NTRK2: variants seen among roughly 807,000 people sequenced by gnomAD.
NTRK2 encodes neurotrophic receptor tyrosine kinase 2.
In NTRK2, 13 loss-of-function variants were observed where a neutral mutation model predicts 94.5. The observed-to-expected ratio is 0.14, with a 90% CI of 0.09 to 0.22. The LOEUF is 0.22. Ranked by LOEUF, NTRK2 falls within the 10% of genes least tolerant of loss-of-function variation. The pLI is 1.00. For missense variants in NTRK2, 639 were observed against 1,071.2 expected (o/e 0.60, Z 5.63); for synonymous variants, 372 against 407.4 (o/e 0.91, Z 1.05).
chr9:84,990,711 G>A (rs924620920), intron 17 of NTRK2, among the ~76,000 whole-genome samples: 3 of 152,124 alleles, frequency 2.0e-5, no homozygotes, highest in African/African-American at 4.8e-5. Context: ...CATTACGTGC[G>A]CCAGCTCCTG....
chr9:84,674,853 G>C (rs2058934910), intron 2 of NTRK2, among the ~76,000 whole-genome samples: 2 of 152,234 alleles, frequency 1.3e-5, no homozygotes, highest in Middle Eastern at 3.4e-3. Flanking sequence ...GAAAAGCCTT[G>C]TGACCCTTTT....
At chr9:84,929,989 G>C (rs1384365927) in intron 14 of NTRK2, among the ~76,000 whole-genome samples, 1 of 152,192 alleles carries the variant, frequency 6.6e-6, no homozygotes, top group Non-Finnish European at 1.5e-5. Flanking sequence ...GCATGCTTAT[G>C]TGATAGCTTA....
chr9:84,857,468 A>G (rs1222589883), intron 12 of NTRK2, among the ~76,000 whole-genome samples: 2 of 152,194 alleles, frequency 1.3e-5, no homozygotes, highest in Non-Finnish European at 2.9e-5. Context: ...GCCTTGTGGG[A>G]AAATTTTGCT....
intron 12 of NTRK2, among the ~76,000 whole-genome samples, chr9:84,777,678 C>A (rs1236849178): frequency 6.6e-6 from 1 of 152,130 alleles, no homozygotes; most frequent in African/African-American, 2.4e-5. Context: ...GCGGTGTAAA[C>A]ATTCCCACCA....
intron 12 of NTRK2, among the ~76,000 whole-genome samples, chr9:84,819,715 A>G (rs976477173): frequency 6.6e-6 from 1 of 152,248 alleles, no homozygotes; most frequent in Admixed American, 6.5e-5. Flanking sequence ...AGCCCTCCCT[A>G]TCTGGAGTCC....
intron 12 of NTRK2, among the ~76,000 whole-genome samples, chr9:84,796,457 T>C (rs1300707300): frequency 6.6e-6 from 1 of 152,168 alleles, no homozygotes; most frequent in Non-Finnish European, 1.5e-5. Context: ...GGAAAAAGTA[T>C]ATTGGATCCT....
Position 85,026,374 on chromosome 9 carries a change from G to A in NTRK2, c.*4937G>A. 4.3e-6 allele frequency: 1 copy of A among 231,920 alleles called. No homozygotes were observed. The allele number at this position is 231,920 out of a possible 1,614,324, so 14.4% of individuals were successfully genotyped here. A position where few individuals can be genotyped will look rare whatever the true frequency, so the allele number is the denominator to read the frequency against. On this transcript the variant is annotated 3_prime_UTR_variant, in exon 19 of 19. Coordinates refer to ENST00000277120, the MANE Select transcript of NTRK2 (RefSeq NM_006180.6). Reference sequence around the variant, plus strand: ...AGTGGAGGTTAGCTGAACGTTCAATGTACTGGAGCAAGCATCATAAAAGCT... The same window carrying A: ...AGTGGAGGTTAGCTGAACGTTCAATATACTGGAGCAAGCATCATAAAAGCT...
At chr9:84,691,733 G>T (rs2060061643) in intron 2 of NTRK2, among the ~76,000 whole-genome samples, 1 of 152,122 alleles carries the variant, frequency 6.6e-6, no homozygotes, top group African/African-American at 2.4e-5. Context: ...ACAAATGCTT[G>T]ATTGAAATCC....
At chr9:84,714,185 C>T (rs924036830) in intron 6 of NTRK2, among the ~76,000 whole-genome samples, 2 of 152,054 alleles carry the variant, frequency 1.3e-5, no homozygotes, top group East Asian at 3.9e-4. Context: ...TCCTTTCAAC[C>T]ACTGATGATC....
intron 15 of NTRK2, among the ~76,000 whole-genome samples, chr9:84,941,702 T>C (rs2078415321): frequency 6.6e-6 from 1 of 152,224 alleles, no homozygotes; most frequent in South Asian, 2.1e-4. Context: ...CCTGTAAATA[T>C]ATTGCAGTTG....
intron 14 of NTRK2, among the ~76,000 whole-genome samples, chr9:84,899,824 C>T (rs1479775673): frequency 6.6e-6 from 1 of 152,166 alleles, no homozygotes; most frequent in African/African-American, 2.4e-5. Flanking sequence ...GCAGAGTGGA[C>T]TCCCCACAGA....
At chr9:84,838,571 T>C (rs1416322998) in intron 12 of NTRK2, among the ~76,000 whole-genome samples, 1 of 152,190 alleles carries the variant, frequency 6.6e-6, no homozygotes, top group African/African-American at 2.4e-5. Flanking sequence ...TTCTTCTTTA[T>C]ACTTACCGCA....
At chr9:84,813,391 T>G (rs1478891293) in intron 12 of NTRK2, 2 of 1,060,750 alleles carry the variant, frequency 1.9e-6, no homozygotes, top group African/African-American at 3.3e-5. Flanking sequence ...TTTAAAACAT[T>G]TTGTAAGCCA....
At chr9:84,955,767 A>T (rs1298167287) in intron 17 of NTRK2, among the ~76,000 whole-genome samples, 2 of 152,160 alleles carry the variant, frequency 1.3e-5, no homozygotes, top group Non-Finnish European at 1.5e-5. Flanking sequence ...TGGGATGGTG[A>T]CAACCCAATC....
At chr9:84,811,473 G>C (rs1412346698) in intron 12 of NTRK2, 1 of 1,065,420 alleles carries the variant, frequency 9.4e-7, no homozygotes, top group African/African-American at 1.6e-5. Context: ...TGCCCTCTGC[G>C]ATCCACCTGC....
chr9:84,986,503 C>G (rs550761857), intron 17 of NTRK2, among the ~76,000 whole-genome samples: 51 of 152,324 alleles, frequency 3.3e-4, no homozygotes, highest in Non-Finnish European at 1.0e-4. Flanking sequence ...TGCTCTCTTG[C>G]CTGTCACTCA....
intron 12 of NTRK2, among the ~76,000 whole-genome samples, chr9:84,762,279 CTT>C (rs1163927509): frequency 2.6e-5 from 4 of 152,196 alleles, no homozygotes; most frequent in African/African-American, 9.7e-5. Context: ...GCAGCCCTGC[CTT>C]AGCCATCTCT....
chr9:84,873,058 T>C, intron 14 of NTRK2: 1 of 1,063,898 alleles, frequency 9.4e-7, no homozygotes, highest in Non-Finnish European at 1.1e-6. Flanking sequence ...GCTCATTAGA[T>C]CAAAGAGTGC....
chr9:84,865,263 T>C (rs1436993388), intron 13 of NTRK2, among the ~76,000 whole-genome samples: 1 of 152,182 alleles, frequency 6.6e-6, no homozygotes, highest in Non-Finnish European at 1.5e-5. Flanking sequence ...CTAAATTGGC[T>C]GTGTGAGGAC....
Sources: gnomAD v4.1 joint callset for allele counts (sites outside exome capture counted in the v4.1 genomes callset) on GRCh38, gnomAD v4.1.1 for gene constraint, MANE v1.5 for transcripts, NCBI Gene and HGNC (gene_info 2026-07-23, HGNC 2026-07-21) for gene names.